Variants in ATP10B observed in about 807,000 individuals in gnomAD.
ATP10B encodes phospholipid-transporting ATPase VB.
In ATP10B, 122 loss-of-function variants were observed where a neutral mutation model predicts 141.2. The observed-to-expected ratio is 0.86, with a 90% CI of 0.75 to 1.00. The LOEUF (loss-of-function observed/expected upper bound fraction) is 1.00. Among genes scored for constraint, ATP10B ranks in the 50% least tolerant of loss-of-function variants. ATP10B has a pLI of 0.00. For missense variants in ATP10B, 1,876 were observed against 1,825.3 expected (o/e 1.03, Z -0.51); for synonymous variants, 685 against 692.0 (o/e 0.99, Z 0.16).
chr5:160,815,270 C>T (rs1265790927), intron 1 of ATP10B, among the ~76,000 whole-genome samples: 1 of 151,704 alleles, frequency 6.6e-6, no homozygotes, highest in Non-Finnish European at 1.5e-5. Flanking sequence ...CACATAGGCT[C>T]AAAATAAAGG....
intron 3 of ATP10B, among the ~76,000 whole-genome samples, chr5:160,702,814 A>C (rs1020305626): frequency 6.6e-6 from 1 of 152,162 alleles, no homozygotes; most frequent in African/African-American, 2.4e-5. Flanking sequence ...CTGTCTCAGG[A>C]AAGGCTTTCC....
chr5:160,753,426 C>A lies in ATP10B; in HGVS notation c.-331+32133G>T, dbSNP rs1021391774. Among the ~76,000 whole-genome samples the A allele has an allele frequency of 5.3e-5, 8 of 152,150 alleles. No homozygotes were observed. The South Asian group carries it at 1.2e-3, about 24-fold the overall frequency. On this transcript the variant is annotated intron_variant, in intron 2 of 25. Coordinates refer to ENST00000327245, the MANE Select transcript of ATP10B (RefSeq NM_025153.3). ...TAAAGAAGTAGCAAGTACTCAGAATCAATTAGCTTTGATTTACAAAGCAAC... is the reference window on the plus strand; with the variant it reads ...TAAAGAAGTAGCAAGTACTCAGAATAAATTAGCTTTGATTTACAAAGCAAC...
At chr5:160,842,951 A>G (rs1458083487) in intron 1 of ATP10B, among the ~76,000 whole-genome samples, 3 of 152,154 alleles carry the variant, frequency 2.0e-5, no homozygotes, top group Non-Finnish European at 4.4e-5. Context: ...TTTTATGAGG[A>G]CAGCAGAGCA....
the ATP10B span, among the ~76,000 whole-genome samples, chr5:160,876,763 G>A: frequency 2.2e-3 from 331 of 151,086 alleles, 1 homozygote; most frequent in African/African-American, 7.2e-3. Context: ...ACACCTCTAC[G>A]CAAATAAACT....
In ATP10B at chr5:160,620,856, G is replaced by T; in HGVS notation, c.1907C>A (p.Ser636Ter). The change falls in exon 15 of 26, where the codon TCA becomes TAA. Residue 636 changes from serine (S) to a stop codon, truncating the protein, a stop_gained. Coordinates refer to ENST00000327245, the MANE Select transcript of ATP10B (RefSeq NM_025153.3). LOFTEE classifies it high-confidence loss of function. ...QKLKLLSLSQ[S>*]FSSTAPSDTD... is the part of the protein sequence containing the mutation. ...GTCAGAGGGTGCAGTGGATGAGAAT[G>T]ACTGGCTGAGGCTCAATAGCTTCAA... 1.2e-6 allele frequency: 2 copies of T among 1,614,188 alleles called. No individual in the cohort carries two copies. The highest frequency in any genetic ancestry group is 2.2e-5 in the South Asian group (2 of 91,072).
At chr5:160,736,502 G>A (rs1021811139) in intron 2 of ATP10B, among the ~76,000 whole-genome samples, 10 of 152,130 alleles carry the variant, frequency 6.6e-5, no homozygotes, top group Non-Finnish European at 1.5e-4. Context: ...GGTGGCTCAC[G>A]CCTGTAATCC....
chr5:160,790,028 G>T (rs748903237), intron 1 of ATP10B, among the ~76,000 whole-genome samples: 1 of 152,048 alleles, frequency 6.6e-6, no homozygotes, highest in South Asian at 2.1e-4. Context: ...ACACTGAAGC[G>T]CTTCCCTCCT....
intron 1 of ATP10B, among the ~76,000 whole-genome samples, chr5:160,848,212 C>T (rs1022866568): frequency 2.6e-5 from 4 of 152,100 alleles, no homozygotes; most frequent in Non-Finnish European, 5.9e-5. Context: ...AACAGAAATG[C>T]TATTGAGAAG....
chr5:160,577,637 A>T (rs1234847162), intron 24 of ATP10B, among the ~76,000 whole-genome samples: 1 of 152,176 alleles, frequency 6.6e-6, no homozygotes, highest in Non-Finnish European at 1.5e-5. Context: ...TTTTATAGAC[A>T]TTGAGCAAAA....
chr5:160,803,012 T>TG (rs1772494470), intron 1 of ATP10B, among the ~76,000 whole-genome samples: 1 of 152,218 alleles, frequency 6.6e-6, no homozygotes, highest in South Asian at 2.1e-4. Context: ...CTCACTCTCC[T>TG]GCACATGCTC....
Position 160,588,284 on chromosome 5 carries a change from T to C in ATP10B, c.3750+1308A>G, listed in dbSNP as rs537202769. Among the ~76,000 whole-genome samples the C allele has an allele frequency of 2.0e-5, 3 of 152,270 alleles. No individual in the cohort carries two copies. In the East Asian group the frequency reaches 5.8e-4, roughly 29 times the overall value. On this transcript the variant is annotated intron_variant, in intron 24 of 25. Coordinates refer to ENST00000327245, the MANE Select transcript of ATP10B (RefSeq NM_025153.3). ...GCCAGAACTTCAATACTATGTTGAA[T>C]AGGAGAGGGGGTTTTCAAAATGAGA...
chr5:160,647,323 CTG>C (rs1200371775), intron 8 of ATP10B, among the ~76,000 whole-genome samples: 1 of 152,126 alleles, frequency 6.6e-6, no homozygotes, highest in African/African-American at 2.4e-5. Flanking sequence ...GGTGTTCTTG[CTG>C]AGTACAGCAA....
At chr5:160,859,993 T>C in the ATP10B span, among the ~76,000 whole-genome samples, 1 of 151,966 alleles carries the variant, frequency 6.6e-6, no homozygotes, top group Non-Finnish European at 1.5e-5. Flanking sequence ...ACGTCTTTCG[T>C]TTATTATGAA....
intron 7 of ATP10B, among the ~76,000 whole-genome samples, chr5:160,666,102 A>G (rs1424969557): frequency 3.3e-5 from 5 of 152,162 alleles, no homozygotes; most frequent in African/African-American, 4.8e-5. Flanking sequence ...AGTATATAGT[A>G]AAAAGTACCT....
At chr5:160,576,294 G>T (rs1755182041) in intron 24 of ATP10B, among the ~76,000 whole-genome samples, 1 of 152,176 alleles carries the variant, frequency 6.6e-6, no homozygotes, top group Non-Finnish European at 1.5e-5. Context: ...ATAATTGTGA[G>T]AGGAGTGAGA....
chr5:160,640,553 C>T lies in ATP10B; in HGVS notation c.908G>A (p.Arg303Gln), dbSNP rs144643657. 108 of 1,614,068 alleles carry T rather than the reference C, an allele frequency of 6.7e-5. No individual in the cohort carries two copies. The East Asian group carries it at 1.2e-3, about 19-fold the overall frequency. The change falls in exon 10 of 26, where the codon CGG (arginine) becomes CAG (glutamine). Residue 303 changes from arginine (R) to glutamine (Q), a missense_variant. Physicochemically the swap from Arg to Gln is conservative, Grantham distance 43. Coordinates refer to ENST00000327245, the MANE Select transcript of ATP10B (RefSeq NM_025153.3). The part of the protein sequence containing the change: ...TKAMLNNSGP[R>Q]YKRSKIERRM... Reference sequence around the variant, plus strand: ...CCGCTCAATCTTGCTGCGTTTGTACCGGGGGCCACTGTTGTTCAGCATGGC... The same window carrying T: ...CCGCTCAATCTTGCTGCGTTTGTACTGGGGGCCACTGTTGTTCAGCATGGC...
chr5:160,928,558 G>A, the ATP10B span, among the ~76,000 whole-genome samples: 5 of 151,974 alleles, frequency 3.3e-5, no homozygotes, highest in East Asian at 1.9e-4. Context: ...TTAACTTCTC[G>A]GAGTCTCACC....
intron 3 of ATP10B, among the ~76,000 whole-genome samples, chr5:160,691,232 G>A (rs1476001506): frequency 6.6e-6 from 1 of 152,104 alleles, no homozygotes; most frequent in Non-Finnish European, 1.5e-5. Context: ...GGGAGGGATA[G>A]CATTAGAAGA....
intron 2 of ATP10B, among the ~76,000 whole-genome samples, chr5:160,782,739 T>A (rs1404686621): frequency 1.3e-5 from 2 of 151,748 alleles, no homozygotes; most frequent in East Asian, 3.9e-4. Flanking sequence ...GTAAAGAAAT[T>A]ATCATTAATT....
Sources: gnomAD v4.1 joint callset for allele counts (sites outside exome capture counted in the v4.1 genomes callset) on GRCh38, gnomAD v4.1.1 for gene constraint, MANE v1.5 for transcripts, NCBI Gene and HGNC (gene_info 2026-07-23, HGNC 2026-07-21) for gene names.